DPP10: variants seen among roughly 807,000 people sequenced by gnomAD.
DPP10 encodes inactive dipeptidyl peptidase 10.
In DPP10, 33 loss-of-function variants were observed where a neutral mutation model predicts 120.9. The ratio of observed to expected loss-of-function variants is 0.27; its 90% confidence interval spans 0.21 to 0.37. DPP10 has a LOEUF of 0.37. Among genes scored for constraint, DPP10 ranks in the 10% least tolerant of loss-of-function variants. The pLI is 1.00. For synonymous variants in DPP10, 337 were observed against 326.1 expected (o/e 1.03, Z -0.36); for missense variants, 816 against 942.8 (o/e 0.87, Z 1.76).
intron 4 of DPP10, among the ~76,000 whole-genome samples, chr2:115,513,100 TGATA>T (rs2077318605): frequency 6.6e-6 from 1 of 152,024 alleles, no homozygotes; most frequent in Non-Finnish European, 1.5e-5. Flanking sequence ...TTTATTTTTC[TGATA>T]GAATGGCCCT....
At chr2:114,818,499 C>T (rs1368984713) in intron 1 of DPP10, among the ~76,000 whole-genome samples, 3 of 152,164 alleles carry the variant, frequency 2.0e-5, no homozygotes, top group Non-Finnish European at 4.4e-5. Flanking sequence ...AAATGAAGTG[C>T]TGGGGATTTC....
intron 1 of DPP10, among the ~76,000 whole-genome samples, chr2:115,305,397 C>G (rs192969187): frequency 6.6e-6 from 1 of 151,934 alleles, no homozygotes; most frequent in African/African-American, 2.4e-5. Context: ...TTCTAAGCAC[C>G]TATTAAGAGA....
chr2:114,872,591 C>T (rs553922538), intron 1 of DPP10, among the ~76,000 whole-genome samples: 46 of 152,290 alleles, frequency 3.0e-4, no homozygotes, highest in Admixed American at 8.5e-4. Context: ...AGCTACATCT[C>T]ATGGCAGGCT....
chr2:114,568,092 A>T (rs897706720), intron 1 of DPP10, among the ~76,000 whole-genome samples: 1 of 150,556 alleles, frequency 6.6e-6, no homozygotes, highest in Non-Finnish European at 1.5e-5. Flanking sequence ...GTAACTGGTA[A>T]GTGGTTCAGT....
At chr2:115,371,526 C>A (rs1435322505) in intron 3 of DPP10, among the ~76,000 whole-genome samples, 2 of 152,112 alleles carry the variant, frequency 1.3e-5, no homozygotes, top group Non-Finnish European at 2.9e-5. Flanking sequence ...ATTTCCAATG[C>A]TGTATATTGA....
At chr2:114,552,826 G>A (rs1049127214) in intron 1 of DPP10, among the ~76,000 whole-genome samples, 2 of 152,160 alleles carry the variant, frequency 1.3e-5, no homozygotes, top group African/African-American at 2.4e-5. Context: ...AATTACAGGC[G>A]TGAGCCACTG....
At chr2:114,844,935 A>G (rs1461858931) in intron 1 of DPP10, among the ~76,000 whole-genome samples, 1 of 152,122 alleles carries the variant, frequency 6.6e-6, no homozygotes, top group African/African-American at 2.4e-5. Flanking sequence ...TTCCCAGTAG[A>G]CACCTTCCCT....
intron 5 of DPP10, among the ~76,000 whole-genome samples, chr2:115,539,182 G>T (rs991238950): frequency 1.3e-4 from 19 of 151,950 alleles, no homozygotes; most frequent in African/African-American, 4.6e-4. Flanking sequence ...AATTCTCAAA[G>T]ATTTAGCAAT....
chr2:114,907,436 G>C (rs1040341611), intron 1 of DPP10, among the ~76,000 whole-genome samples: 2 of 152,048 alleles, frequency 1.3e-5, no homozygotes, highest in African/African-American at 4.8e-5. Context: ...AGAATTTACA[G>C]CTATATATTT....
At chr2:115,686,371 G>C (rs2090990026) in intron 5 of DPP10, among the ~76,000 whole-genome samples, 1 of 151,978 alleles carries the variant, frequency 6.6e-6, no homozygotes, top group Admixed American at 6.6e-5. Flanking sequence ...TTAAAATAAG[G>C]TGTCTTTAAA....
intron 5 of DPP10, among the ~76,000 whole-genome samples, chr2:115,676,041 G>A (rs75693191): frequency 0.014 from 2,134 of 152,164 alleles, 43 homozygotes; most frequent in African/African-American, 0.049. Context: ...GCTTTCCCCC[G>A]GACGGAGAAA....
At position 114,504,672 on chromosome 2, in the gene DPP10, G is replaced by A. The variant is rs144647743; in HGVS notation, c.60+61834G>A. ...AGCCACTATTCTCAACACATGTCAT[G>A]TATATGTTGTTAAATGTTGATATCA... is the stretch of plus-strand genomic sequence containing the variant. On this transcript the variant is annotated intron_variant, in intron 1 of 25. Transcript: ENST00000410059. Among the ~76,000 whole-genome samples the A allele has an allele frequency of 3.4e-3, 523 of 152,278 alleles. 4 individuals are homozygous for A. Among genetic ancestry groups the A allele is most frequent in the African/African-American group, 0.012 (505 of 41,542 alleles).
intron 1 of DPP10, among the ~76,000 whole-genome samples, chr2:114,817,989 A>T (rs939833659): frequency 2.0e-5 from 3 of 152,206 alleles, no homozygotes; most frequent in Non-Finnish European, 4.4e-5. Flanking sequence ...GTCTTGAAGG[A>T]TTAGAAAATA....
At chr2:115,256,255 CAGATCTCGTG>C (rs146691420) in intron 1 of DPP10, among the ~76,000 whole-genome samples, 9,280 of 152,236 alleles carry the variant, frequency 0.061, 334 homozygotes, top group Middle Eastern at 0.11. Context: ...ATAAAATCAT[CAGATCTCGTG>C]AGAATTCACT....
chr2:114,885,272 A>G (rs1691971318), intron 1 of DPP10, among the ~76,000 whole-genome samples: 1 of 152,068 alleles, frequency 6.6e-6, no homozygotes, highest in Admixed American at 6.6e-5. Flanking sequence ...GGGGACAGAG[A>G]GTGTGGAGGC....
At chr2:115,554,000 TTCACACACA>T (rs2080047518) in intron 5 of DPP10, among the ~76,000 whole-genome samples, 1 of 55,076 alleles carries the variant, frequency 1.8e-5, no homozygotes, top group African/African-American at 6.7e-5. Context: ...CTCTCTCTCT[TTCACACACA>T]CACACACACA....
At chr2:115,443,993 G>T (rs2072326148) in intron 3 of DPP10, among the ~76,000 whole-genome samples, 1 of 152,090 alleles carries the variant, frequency 6.6e-6, no homozygotes, top group African/African-American at 2.4e-5. Context: ...ATCTCCAGAA[G>T]GCAAATTCTT....
chr2:115,692,135 G>A (rs1195195665), intron 7 of DPP10, among the ~76,000 whole-genome samples: 2 of 151,854 alleles, frequency 1.3e-5, no homozygotes, highest in South Asian at 2.1e-4. Context: ...ACTAGGTATG[G>A]TGGGGTTTTT....
At chr2:115,385,829 A>G (rs1574662543) in intron 3 of DPP10, among the ~76,000 whole-genome samples, 1 of 152,186 alleles carries the variant, frequency 6.6e-6, no homozygotes, top group African/African-American at 2.4e-5. Context: ...CTATAAGAGT[A>G]TGACTGTGAT....
Sources: allele counts gnomAD v4.1 joint callset (sites outside exome capture counted in the v4.1 genomes callset), GRCh38; gene constraint gnomAD v4.1.1; transcripts MANE v1.5; gene names NCBI Gene and HGNC (gene_info 2026-07-23, HGNC 2026-07-21).